Variants in NTRK3 observed in about 807,000 individuals in gnomAD.
NTRK3 encodes the protein NT-3 growth factor receptor.
A neutral mutation model predicts 91.7 loss-of-function variants in NTRK3; 24 were observed. That is an observed-to-expected ratio of 0.26 (90% CI 0.19 to 0.37). The LOEUF (loss-of-function observed/expected upper bound fraction) is 0.37. Among genes scored for constraint, NTRK3 ranks in the 10% least tolerant of loss-of-function variants. The probability of loss-of-function intolerance (pLI) is 1.00; values close to 1 mark genes in which losing one functional copy is unlikely to be tolerated. For missense variants in NTRK3, 880 were observed against 1,068.9 expected (o/e 0.82, Z 2.46); for synonymous variants, 483 against 404.0 (o/e 1.20, Z -2.34).
chr15:88,068,269 TA>T (rs896421652), intron 13 of NTRK3, among the ~76,000 whole-genome samples: 26 of 151,932 alleles, frequency 1.7e-4, no homozygotes, highest in African/African-American at 6.0e-4. Context: ...ACATCTCTAC[TA>T]AAAACATAAA....
exon 19 of NTRK3, chr15:87,862,480 T>G (rs1269632667): frequency 1.8e-5 from 4 of 227,410 alleles, no homozygotes; most frequent in African/African-American, 8.9e-5. Context: ...AAAATGGAGG[T>G]TTTCTAACAT....
At chr15:87,929,409 G>A (rs2141915907) in exon 17 of NTRK3, 1 of 1,614,096 alleles carries the variant, frequency 6.2e-7, no homozygotes, top group Non-Finnish European at 8.5e-7. Flanking sequence ...CCATCCACAA[G>A]GATCATTGCA....
intron 13 of NTRK3, among the ~76,000 whole-genome samples, chr15:88,120,083 A>G (rs1286334201): frequency 1.3e-5 from 2 of 152,160 alleles, no homozygotes; most frequent in Non-Finnish European, 2.9e-5. Flanking sequence ...CCTGGAAGAA[A>G]CCCTTCTCAG....
At chr15:88,036,879 A>G (rs888060566) in intron 13 of NTRK3, among the ~76,000 whole-genome samples, 3 of 152,196 alleles carry the variant, frequency 2.0e-5, no homozygotes, top group African/African-American at 7.2e-5. Flanking sequence ...CGGAAGAGGG[A>G]GAAGTTTGAG....
chr15:88,023,517 C>A (rs969480549), intron 14 of NTRK3, among the ~76,000 whole-genome samples: 6 of 152,318 alleles, frequency 3.9e-5, no homozygotes, highest in Non-Finnish European at 8.8e-5. Flanking sequence ...AAGGTTAAAG[C>A]TAAATGTTTC....
At chr15:87,969,207 T>C (rs2073053654) in intron 14 of NTRK3, among the ~76,000 whole-genome samples, 1 of 152,130 alleles carries the variant, frequency 6.6e-6, no homozygotes, top group African/African-American at 2.4e-5. Context: ...ACGGAGATGC[T>C]TCCCACTCAT....
At chr15:88,002,783 C>A (rs935161402) in intron 14 of NTRK3, among the ~76,000 whole-genome samples, 1 of 147,634 alleles carries the variant, frequency 6.8e-6, no homozygotes, top group Non-Finnish European at 1.5e-5. Context: ...AAAATTAAAA[C>A]AAGCATGACT....
chr15:88,208,864 A>G (rs947934050), intron 3 of NTRK3, among the ~76,000 whole-genome samples: 1 of 132,960 alleles, frequency 7.5e-6, no homozygotes, highest in African/African-American at 2.8e-5. Context: ...GAGTCTGAGT[A>G]TTTTTTAAAG....
chr15:88,057,849 G>A (rs2045861984), intron 13 of NTRK3, among the ~76,000 whole-genome samples: 1 of 152,216 alleles, frequency 6.6e-6, no homozygotes, highest in African/African-American at 2.4e-5. Context: ...TCTGAGGGAG[G>A]CGGATTGCCC....
chr15:88,137,707 T>G (rs934649514), intron 6 of NTRK3, 146 bp from the exon 7 acceptor site: 1 of 794,226 alleles, frequency 1.3e-6, no homozygotes, highest in Non-Finnish European at 2.0e-6. Context: ...AGTGGAAAAA[T>G]CCTTGTAAGT....
exon 19 of NTRK3, chr15:87,873,519 T>C (rs2064878004): frequency 8.6e-6 from 2 of 231,808 alleles, no homozygotes; most frequent in African/African-American, 2.2e-5. Flanking sequence ...CCAGCCTGGG[T>C]GCCCTGGAGC....
At chr15:87,971,210 G>GGGA (rs1232875885) in intron 14 of NTRK3, among the ~76,000 whole-genome samples, 4 of 152,150 alleles carry the variant, frequency 2.6e-5, no homozygotes, top group African/African-American at 9.7e-5. Context: ...CACTGACAGT[G>GGGA]GGAGGAAACA....
chr15:87,927,045 T>C (rs1255468650), intron 17 of NTRK3: 1 of 152,186 alleles, frequency 6.6e-6, no homozygotes, highest in African/African-American at 2.4e-5. Context: ...AAAAATATGG[T>C]CTAGACACTA....
rs1376531680 is a variant in NTRK3, at chr15:87,868,488, G to C, written c.*8447C>G. ...GGAAAAACAATTTCAAAGGGAATTA[G>C]AATCAGTAAAATCTCAGAGAAAATT... On this transcript the variant is annotated 3_prime_UTR_variant, in exon 19 of 19. Transcript: ENST00000394480. 1.8e-5 allele frequency: 4 copies of C among 219,280 alleles called. No homozygotes were observed. In the East Asian group the frequency reaches 2.7e-4, roughly 15 times the overall value. 13.6% of individuals were successfully genotyped at this position (219,280 alleles called of 1,614,324 possible).
chr15:87,870,980 G>T, exon 19 of NTRK3: 1 of 231,358 alleles, frequency 4.3e-6, no homozygotes, highest in Non-Finnish European at 8.6e-6. Flanking sequence ...TATGATGAAA[G>T]AAAGATAGCC....
At chr15:88,034,448 C>A (rs1029821190) in intron 13 of NTRK3, among the ~76,000 whole-genome samples, 1 of 152,152 alleles carries the variant, frequency 6.6e-6, no homozygotes, top group South Asian at 2.1e-4. Flanking sequence ...TGTTTGGTGC[C>A]GTGGTTCTCC....
At chr15:88,135,644 T>C (rs1180133763) in intron 9 of NTRK3, among the ~76,000 whole-genome samples, 1 of 152,208 alleles carries the variant, frequency 6.6e-6, no homozygotes, top group East Asian at 1.9e-4. Flanking sequence ...AAAGGCAGAA[T>C]AGGCCAACTT....
rs200625602 is a variant in NTRK3, at chr15:87,961,264, T to C, written c.1586-20511A>G. On this transcript the variant is annotated intron_variant, in intron 14 of 18. Coordinates refer to ENST00000394480, the Ensembl canonical transcript of NTRK3. ...CTCTGAATCACAGACCAGGTTTGAATCCACCATGTAAACCTGATGCATAGC... is the reference window on the plus strand; with the variant it reads ...CTCTGAATCACAGACCAGGTTTGAACCCACCATGTAAACCTGATGCATAGC... 2.4e-4 allele frequency among the ~76,000 whole-genome samples: 37 copies of C among 152,312 alleles called. 1 individual carries two copies. In the East Asian group the frequency reaches 6.4e-3, roughly 26 times the overall value.
At chr15:88,205,156 G>A (rs1269369503) in intron 3 of NTRK3, among the ~76,000 whole-genome samples, 1 of 152,198 alleles carries the variant, frequency 6.6e-6, no homozygotes, top group Non-Finnish European at 1.5e-5. Context: ...AGCTTAGCAT[G>A]TGGTTCTGTA....
Sources: gnomAD v4.1 joint callset for allele counts (sites outside exome capture counted in the v4.1 genomes callset) on GRCh38, gnomAD v4.1.1 for gene constraint, MANE v1.5 for transcripts, NCBI Gene and HGNC (gene_info 2026-07-23, HGNC 2026-07-21) for gene names.